Variants in BIRC6 observed in about 807,000 individuals in gnomAD.
The protein encoded by BIRC6 is dual E2 ubiquitin-conjugating enzyme/E3 ubiquitin-protein ligase BIRC6.
BIRC6 carries 98 observed loss-of-function variants against 503.3 expected under a neutral mutation model. The observed-to-expected ratio is 0.19, with a 90% confidence interval of 0.17 to 0.23. The LOEUF (loss-of-function observed/expected upper bound fraction) is 0.23, where lower values mean the gene tolerates loss of function less well. Ranked by LOEUF, BIRC6 falls within the 10% of genes least tolerant of loss-of-function variation. The probability of loss-of-function intolerance (pLI) is 1.00; values close to 1 mark genes in which losing one functional copy is unlikely to be tolerated. For synonymous variants in BIRC6, 2,240 were observed against 2,078.7 expected (o/e 1.08, Z -2.11); for missense variants, 5,360 against 5,806.0 (o/e 0.92, Z 2.50).
intron 72 of BIRC6, among the ~76,000 whole-genome samples, chr2:32,608,169 T>C (rs1170970452): frequency 6.6e-6 from 1 of 150,662 alleles, no homozygotes; most frequent in African/African-American, 2.4e-5. Flanking sequence ...TGGTGGCACC[T>C]GTAGTCTTAG....
At chr2:32,521,323 A>G (rs2055641981) in intron 57 of BIRC6, among the ~76,000 whole-genome samples, 1 of 128,564 alleles carries the variant, frequency 7.8e-6, no homozygotes. Flanking sequence ...ACTTGAGCCC[A>G]TGAGTTCCAG....
intron 57 of BIRC6, among the ~76,000 whole-genome samples, chr2:32,524,008 C>T: frequency 6.6e-6 from 1 of 150,490 alleles, no homozygotes; most frequent in Non-Finnish European, 1.5e-5. Context: ...TACACCACTG[C>T]ACTCCAGCCT....
chr2:32,538,989 A>G (rs2057451202), intron 61 of BIRC6, among the ~76,000 whole-genome samples: 2 of 152,234 alleles, frequency 1.3e-5, no homozygotes, highest in African/African-American at 4.8e-5. Context: ...AACGTTTGTC[A>G]GAATAGAGGA....
In BIRC6 at chr2:32,357,292, C is replaced by CGGCGGG. The variant is rs776739671; in HGVS notation, c.143_148dup (p.Gly48_Ala49dup). The CGGCGGG allele has an allele frequency of 6.4e-5, 97 of 1,524,312 alleles. No individual in the cohort carries two copies. The highest frequency in any genetic ancestry group is 3.4e-4 in the East Asian group (13 of 38,346). 94.4% of individuals were successfully genotyped at this position (1,524,312 alleles called of 1,614,324 possible). A position where few individuals can be genotyped will look rare whatever the true frequency, so the allele number is the denominator to read the frequency against. ...GCCTCGGGCCCCGGCTGCTCCTCGG[C>CGGCGGG]GGCGGGGGCGGGGGCGGCCGGGGTC... On this transcript the variant is annotated inframe_insertion, in exon 1 of 74. Transcript: ENST00000421745. The surrounding 1 kb of genome is among the most constrained non-coding windows in gnomAD (Gnocchi z 4.9).
chr2:32,515,315 C>T lies in BIRC6; in HGVS notation c.10894C>T (p.Pro3632Ser), dbSNP rs1392247104. The change falls in exon 55 of 74, where the codon CCT becomes TCT. Residue 3632 changes from proline to serine, a missense_variant. By Grantham distance (74) the Pro-to-Ser change is moderately conservative. Transcript: ENST00000421745. ...AIKQLLDSGL[P>S]SLLVRSLASF... ...TAAACAATTACTAGACTCAGGTTTG[C>T]CTTCTCTTCTTGTGAGGAGTCTGGC... 6.2e-7 allele frequency: 1 copy of T among 1,613,892 alleles called. No individual in the cohort carries two copies. Among genetic ancestry groups the T allele is most frequent in the Non-Finnish European group, 8.5e-7 (1 of 1,179,892 alleles).
In BIRC6 at chr2:32,529,698, C is replaced by G. The variant is rs760671943; in HGVS notation, c.11968C>G (p.Leu3990Val). 4 of 1,613,434 alleles carry G rather than the reference C, an allele frequency of 2.5e-6. No homozygotes were observed. The highest frequency in any genetic ancestry group is 1.1e-5 in the South Asian group (1 of 91,024). Reference protein sequence around the residue: ...EMTLAQLLTLLYDRKLPQGYR... With the variant: ...EMTLAQLLTLVYDRKLPQGYR... ...GACACTTGCCCAGCTTTTAACTCTC[C>G]TATATGACCGAAAACTTCCTCAGGG... Residue 3990 changes from leucine (L) to valine (V), a missense_variant, in exon 60 of 74, where the codon CTA becomes GTA. Leu to Val is a conservative substitution (Grantham distance 32). Coordinates refer to ENST00000421745, the MANE Select transcript of BIRC6 (RefSeq NM_016252.4).
chr2:32,427,305 A>C (rs2043619053), intron 10 of BIRC6, among the ~76,000 whole-genome samples: 1 of 151,300 alleles, frequency 6.6e-6, no homozygotes, highest in African/African-American at 2.4e-5. Flanking sequence ...TTTTTGAGAC[A>C]AAGTCTTGCT....
At chr2:32,483,082 T>A (rs1329759428) in intron 39 of BIRC6, among the ~76,000 whole-genome samples, 2 of 78,486 alleles carry the variant, frequency 2.5e-5, no homozygotes, top group Admixed American at 3.1e-4. Flanking sequence ...CAAGCCCAGC[T>A]ATTTTTTGTA....
Position 32,406,502 on chromosome 2 carries a change from T to A in BIRC6, c.1422T>A (p.Asp474Glu), listed in dbSNP as rs778847496. 1 of 1,607,884 alleles carries A rather than the reference T, an allele frequency of 6.2e-7. No homozygotes were observed. The highest frequency in any genetic ancestry group is 1.1e-5 in the South Asian group (1 of 90,536). ...SDIPKLEGDS[D>E]DLLEDSDSEE... ...TTACTTTGTTTTTTGATTTAAGTGA[T>A]GATTTACTGGAGGATTCAGACAGTG... The change falls in exon 9 of 74, where the codon GAT (aspartate) becomes GAA (glutamate). Residue 474 changes from aspartate (D) to glutamate (E), a missense_variant. This residue lies in a region of BIRC6 where 700 missense variants were observed against 739.3 expected (regional missense o/e 0.95). Transcript: ENST00000421745.
intron 9 of BIRC6, among the ~76,000 whole-genome samples, chr2:32,412,173 CT>C (rs1049016472): frequency 1.1e-4 from 16 of 152,052 alleles, no homozygotes; most frequent in African/African-American, 3.9e-4. Context: ...GACTGTACTA[CT>C]TTTAAGGGAA....
intron 65 of BIRC6, among the ~76,000 whole-genome samples, chr2:32,561,849 C>T (rs951397146): frequency 3.3e-5 from 5 of 151,238 alleles, no homozygotes; most frequent in Non-Finnish European, 7.4e-5. Flanking sequence ...CGAGACCAGC[C>T]TGGCCAACAT....
intron 61 of BIRC6, among the ~76,000 whole-genome samples, chr2:32,542,154 G>T (rs775832008): frequency 1.3e-5 from 2 of 151,686 alleles, no homozygotes; most frequent in Non-Finnish European, 2.9e-5. Context: ...ATACATACAT[G>T]TATTTTCTAG....
chr2:32,607,640 A>G lies in BIRC6; in HGVS notation c.14256A>G (p.Lys4752=). ...EQIRNPSPCF[K]EVIHKHFYLK... ...TCAGAAACCCTTCACCATGTTTTAA[A>G]GAGGTATGTTCAATAAAATTAGTGA... is the stretch of plus-strand genomic sequence containing the variant. The change falls in exon 72 of 74, where the codon AAA becomes AAG. Residue 4752 remains lysine (K), a synonymous_variant. Coordinates refer to ENST00000421745, the MANE Select transcript of BIRC6 (RefSeq NM_016252.4). 2.5e-6 allele frequency: 4 copies of G among 1,604,888 alleles called. No individual in the cohort carries two copies. Among genetic ancestry groups the G allele is most frequent in the Non-Finnish European group, 3.4e-6 (4 of 1,174,626 alleles).
chr2:32,416,247 A>G (rs776921136), intron 10 of BIRC6, 84 bp downstream of exon 10: 87 of 1,310,106 alleles, frequency 6.6e-5, no homozygotes, highest in Non-Finnish European at 8.6e-5. Flanking sequence ...TATGAATTTT[A>G]GGTTCAAATA....
intron 40 of BIRC6, 142 bp downstream of exon 40, chr2:32,485,901 G>A (rs1572555569): frequency 8.6e-6 from 5 of 581,006 alleles, no homozygotes; most frequent in African/African-American, 3.7e-5. Context: ...TCCTGGCTCC[G>A]AGTTAGTAGC....
intron 43 of BIRC6, 129 bp from the exon 44 acceptor site, chr2:32,491,296 A>G: frequency 1.1e-6 from 1 of 908,566 alleles, no homozygotes; most frequent in Non-Finnish European, 1.6e-6. Context: ...AGAAACTGAA[A>G]CCCCTTTAAT....
At chr2:32,470,716 A>C (rs1396573004) in intron 31 of BIRC6, among the ~76,000 whole-genome samples, 1 of 152,148 alleles carries the variant, frequency 6.6e-6, no homozygotes, top group Non-Finnish European at 1.5e-5. Context: ...AGTTCCTGTG[A>C]ATCTAAGAAT....
intron 8 of BIRC6, among the ~76,000 whole-genome samples, chr2:32,403,694 T>C (rs1311773548): frequency 6.6e-6 from 1 of 152,298 alleles, no homozygotes; most frequent in Non-Finnish European, 1.5e-5. Context: ...TAACTAAACA[T>C]TTTTACTTTA....
At chr2:32,414,010 G>A (rs1053039532) in intron 9 of BIRC6, among the ~76,000 whole-genome samples, 3 of 152,174 alleles carry the variant, frequency 2.0e-5, no homozygotes, top group Non-Finnish European at 2.9e-5. Context: ...AAAGTTTTCC[G>A]GCTGGGCACG....
Sources: allele counts gnomAD v4.1 joint callset (sites outside exome capture counted in the v4.1 genomes callset), GRCh38; gene constraint gnomAD v4.1.1; regional missense constraint gnomAD v4.1.1; non-coding constraint Gnocchi (gnomAD v3.1); transcripts MANE v1.5; gene names NCBI Gene and HGNC (gene_info 2026-07-23, HGNC 2026-07-21).